PKD1: variants seen among roughly 807,000 people sequenced by gnomAD.
The protein encoded by PKD1 is polycystin-1.
PKD1 carries 81 observed loss-of-function variants against 361.7 expected under a neutral mutation model. The ratio of observed to expected loss-of-function variants is 0.22; its 90% CI spans 0.19 to 0.27. The LOEUF (loss-of-function observed/expected upper bound fraction) is 0.27. PKD1 is among the 10% of genes least tolerant of loss of function. The pLI, the probability that PKD1 is intolerant of heterozygous loss-of-function variation, is 1.00. For synonymous variants in PKD1, 3,615 were observed against 2,818.3 expected (o/e 1.28, Z -8.95); for missense variants, 6,399 against 6,118.3 (o/e 1.05, Z -1.53).
chr16:2,112,605 C>A (rs1182405466), intron 13 of PKD1, 132 bp from the exon 14 acceptor site: 4 of 983,412 alleles, frequency 4.1e-6, no homozygotes, highest in South Asian at 1.5e-5. Flanking sequence ...GCCCACCCGG[C>A]TGTGCTGAGG....
chr16:2,107,779 G>A (rs970119227), intron 16 of PKD1, 104 bp downstream of exon 16: 11 of 1,069,526 alleles, frequency 1.0e-5, no homozygotes, highest in Non-Finnish European at 1.4e-5. Flanking sequence ...AAACAGAGAG[G>A]GGAGAGCGTG....
chr16:2,113,446 C>T (rs1596571585), intron 11 of PKD1, 154 bp from the exon 12 acceptor site: 5 of 867,256 alleles, frequency 5.8e-6, no homozygotes, highest in East Asian at 4.9e-5. Context: ...GAGCCAAGCC[C>T]GGGCTGGGAC....
At chr16:2,135,088 A>T in intron 1 of PKD1, 1 of 974,660 alleles carries the variant, frequency 1.0e-6, no homozygotes, top group Non-Finnish European at 1.2e-6. Context: ...CCTTTTCCAG[A>T]CACCTCCTGG....
intron 13 of PKD1, 60 bp downstream of exon 13, chr16:2,112,728 G>A (rs2092549187): frequency 5.8e-6 from 9 of 1,552,966 alleles, no homozygotes; most frequent in East Asian, 2.3e-5. Context: ...TCCCTCGGCT[G>A]AGGCTGGGGC....
chr16:2,109,034 C>A lies in PKD1; in HGVS notation c.6133G>T (p.Ala2045Ser), dbSNP rs544753708. 3 of 1,608,806 alleles carry A rather than the reference C, an allele frequency of 1.9e-6. No individual in the cohort carries two copies. Among genetic ancestry groups the A allele is most frequent in the African/African-American group, 1.3e-5 (1 of 74,856 alleles). Residue 2045 changes from alanine (A) to serine (S), a missense_variant, in exon 15 of 46, where the codon GCC becomes TCC. Transcript: ENST00000262304. Reference protein sequence around the residue: ...LLEIQVRAFNALGSENRTLVL... With the variant: ...LLEIQVRAFNSLGSENRTLVL... ...AGCGTGCGGTTCTCACTGCCCAGGG[C>A]GTTGAAGGCGCGCACCTGGATCTCC...
At position 2,110,898 on chromosome 16, in the gene PKD1, G is replaced by T. The variant is rs1481991884; in HGVS notation, c.4269C>A (p.Pro1423=). The change falls in exon 15 of 46, where the codon CCC becomes CCA. Residue 1423 remains proline (P), a synonymous_variant. Coordinates refer to ENST00000262304, the MANE Select transcript of PKD1 (RefSeq NM_001009944.3). ...TWDFGTEEAA[P]TRARGPEVTF... Reference sequence around the variant, plus strand: ...TCACCTCAGGGCCCCTGGCACGGGTGGGGGCGGCTTCCTCGGTGCCAAAGT... The same window carrying T: ...TCACCTCAGGGCCCCTGGCACGGGTTGGGGCGGCTTCCTCGGTGCCAAAGT... 2.5e-6 allele frequency: 4 copies of T among 1,611,592 alleles called. No homozygotes were observed. The highest frequency in any genetic ancestry group is 2.2e-5 in the East Asian group (1 of 44,884).
chr16:2,103,539 T>C lies in PKD1; in HGVS notation c.8518A>G (p.Ser2840Gly), dbSNP rs764513289. 10 of 1,608,750 alleles carry C rather than the reference T, an allele frequency of 6.2e-6. No homozygotes were observed. The East Asian group carries it at 6.7e-5, about 11-fold the overall frequency. ...DSNPFPFGYI[S>G]NYTVSTKVAS... The stretch of plus-strand genomic sequence containing the variant: ...ACCTTGGTGGAGACGGTGTAGTTGC[T>C]GATATAGCCAAAGGGAAAGGGATTG... Residue 2840 changes from serine to glycine, a missense_variant, in exon 23 of 46, where the codon AGC becomes GGC. Physicochemically the swap from Ser to Gly is moderately conservative, Grantham distance 56. Transcript: ENST00000262304.
At chr16:2,131,185 G>A (rs2092873541) in intron 1 of PKD1, among the ~76,000 whole-genome samples, 1 of 152,126 alleles carries the variant, frequency 6.6e-6, no homozygotes, top group African/African-American at 2.4e-5. Context: ...AATTGCACAA[G>A]GAAAAAGAGA....
At position 2,090,899 on chromosome 16, in the gene PKD1, G is replaced by T. The variant is rs759757732; in HGVS notation, c.11988C>A (p.Phe3996Leu). The change falls in exon 43 of 46, where the codon TTC (phenylalanine) becomes TTA (leucine). Residue 3996 changes from phenylalanine to leucine, a missense_variant. Physicochemically the swap from Phe to Leu is conservative, Grantham distance 22. Transcript: ENST00000262304. Reference protein sequence around the residue: ...AARGLAASLLFLLLVKAAQQL... With the variant: ...AARGLAASLLLLLLVKAAQQL... The stretch of plus-strand genomic sequence containing the variant: ...CAGCCCTCACCTTGACCAAAAGCAG[G>T]AAGAGCAGCGAGGCCGCCAGGCCAC... The T allele has an allele frequency of 5.0e-6, 8 of 1,599,152 alleles. No homozygotes were observed. Among genetic ancestry groups the T allele is most frequent in the East Asian group, 2.2e-5 (1 of 44,746 alleles).
Position 2,111,705 on chromosome 16 carries a change from A to C in PKD1, c.3462T>G (p.Pro1154=), listed in dbSNP as rs1318530219. ...AGTCCCACGTGTAAAGAACACCCCC[A>C]GGCGAGGGCAGCGGGTGCGGGTAGA... is the stretch of plus-strand genomic sequence containing the variant. The part of the protein sequence containing the change: ...VTFYPHPLPS[P]GGVLYTWDFG... Residue 1154 remains proline, a synonymous_variant, in exon 15 of 46, where the codon CCT becomes CCG. Coordinates refer to ENST00000262304, the MANE Select transcript of PKD1 (RefSeq NM_001009944.3). 4.4e-6 allele frequency: 7 copies of C among 1,585,484 alleles called. No individual in the cohort carries two copies. The highest frequency in any genetic ancestry group is 5.1e-6 in the Non-Finnish European group (6 of 1,167,358).
chr16:2,122,160 G>GA, intron 1 of PKD1, among the ~76,000 whole-genome samples: 1 of 152,262 alleles, frequency 6.6e-6, no homozygotes, highest in Non-Finnish European at 1.5e-5. Context: ...TCCGTGCCAG[G>GA]AAGCAGCACC....
rs775796770 is a variant in PKD1, at chr16:2,117,650, C to T, written c.1224G>A (p.Ser408=). The change falls in exon 6 of 46, where the codon TCG becomes TCA. Residue 408 remains serine, a synonymous_variant. Transcript: ENST00000262304. The part of the protein sequence containing the change: ...PARAVHPLCP[S]DTEIFPGNGH... ...CGTTGCCAGGGAAGATCTCCGTGTC[C>T]GAGGGGCAGAGCGGGTGCACCGCTG... 8 of 1,610,386 alleles carry T rather than the reference C, an allele frequency of 5.0e-6. No homozygotes were observed. The highest frequency in any genetic ancestry group is 4.0e-5 in the African/African-American group (3 of 74,836).
At chr16:2,107,097 C>A in intron 16 of PKD1, 149 bp from the exon 17 acceptor site, 1 of 751,658 alleles carries the variant, frequency 1.3e-6, no homozygotes, top group South Asian at 1.5e-5. Context: ...GGATACTCAT[C>A]CGGTTTGCCA....
chr16:2,111,521 T>A lies in PKD1; in HGVS notation c.3646A>T (p.Ser1216Cys), dbSNP rs1003941029. The A allele has an allele frequency of 6.2e-7, 1 of 1,608,228 alleles. No individual in the cohort carries two copies. The highest frequency in any genetic ancestry group is 2.2e-5 in the East Asian group (1 of 44,714). The stretch of plus-strand genomic sequence containing the variant: ...TCCACGGCCAGGCTCATGTCCACGC[T>A]GAGTCCGCGGAGCTCCTCAAAGACG... ...VRVFEELRGL[S>C]VDMSLAVEQG... The change falls in exon 15 of 46, where the codon AGC (serine) becomes TGC (cysteine). Residue 1216 changes from serine to cysteine, a missense_variant. Coordinates refer to ENST00000262304, the MANE Select transcript of PKD1 (RefSeq NM_001009944.3).
intron 15 of PKD1, 53 bp from the exon 16 acceptor site, chr16:2,108,085 AAGCAG>A: frequency 6.3e-7 from 1 of 1,583,386 alleles, no homozygotes; most frequent in South Asian, 1.1e-5. Context: ...TCCAGTTTTA[AAGCAG>A]AGCCCGGCCC....
Position 2,088,898 on chromosome 16 carries a change from C to G in PKD1, c.*829G>C, listed in dbSNP as rs994676166. ...GCGCGCGCGCACACACACACACACA[C>G]AGTCACCTTCCTCCACCCTGGGAGC... On this transcript the variant is annotated 3_prime_UTR_variant, in exon 46 of 46. Coordinates refer to ENST00000262304, the MANE Select transcript of PKD1 (RefSeq NM_001009944.3). 2.8e-5 allele frequency: 12 copies of G among 431,474 alleles called. No individual in the cohort carries two copies. The highest frequency in any genetic ancestry group is 4.7e-5 in the Non-Finnish European group (11 of 235,006). The allele number at this position is 431,474 out of a possible 1,614,324, so 26.7% of individuals were successfully genotyped here.
At position 2,093,945 on chromosome 16, in the gene PKD1, G is replaced by A. The variant is rs770693846; in HGVS notation, c.10687C>T (p.Leu3563=). 6 of 1,586,244 alleles carry A rather than the reference G, an allele frequency of 3.8e-6. No homozygotes were observed. In the Admixed American group the frequency reaches 8.7e-5, roughly 23 times the overall value. ...WCASLAHGLS[L]LLVAVAVAVS... is the part of the protein sequence containing the mutation. ...GCCACAGCCACAGCCACCAGGAGCA[G>A]GCTGAGCCCGTGGGCCAGGGAGGCA... The change falls in exon 36 of 46, where the codon CTG becomes TTG. Residue 3563 remains leucine (L), a synonymous_variant. Coordinates refer to ENST00000262304, the MANE Select transcript of PKD1 (RefSeq NM_001009944.3).
At position 2,114,548 on chromosome 16, in the gene PKD1, C is replaced by T. The variant is rs762187239; in HGVS notation, c.2475G>A (p.Arg825=). The change falls in exon 11 of 46, where the codon CGG becomes CGA. Residue 825 remains arginine, a synonymous_variant. Transcript: ENST00000262304. ...CGTCGCGGGGGGCAGGGTAGATGAC[C>T]CGCAGCCCAGCCACTGGGGAGACCA... ...FDVVSPVAGL[R]VIYPAPRDGR... 2.5e-6 allele frequency: 4 copies of T among 1,594,034 alleles called. No homozygotes were observed. The highest frequency in any genetic ancestry group is 2.2e-5 in the South Asian group (2 of 90,848).
At chr16:2,111,968 G>A (rs2092521025) in intron 14 of PKD1, 97 bp from the exon 15 acceptor site, 2 of 1,305,946 alleles carry the variant, frequency 1.5e-6, no homozygotes, top group South Asian at 1.2e-5. Context: ...GGGGTGAACG[G>A]CTGCACCTGC....
Sources: allele counts gnomAD v4.1 joint callset (sites outside exome capture counted in the v4.1 genomes callset), GRCh38; gene constraint gnomAD v4.1.1; transcripts MANE v1.5; gene names NCBI Gene and HGNC (gene_info 2026-07-23, HGNC 2026-07-21).